The following USP9X variants were observed in gnomAD, a reference collection of about 807,000 sequenced individuals.
USP9X encodes ubiquitin carboxyl-terminal hydrolase 9X.
Under a neutral mutation model 190.3 loss-of-function variants are expected in USP9X, and 7 were observed. The observed-to-expected ratio is 0.04, with a 90% CI of 0.02 to 0.07. USP9X has a LOEUF of 0.07. USP9X is among the 10% of genes least tolerant of loss of function. USP9X has a pLI of 1.00. For missense variants in USP9X, 1,010 were observed against 1,916.9 expected (o/e 0.53, Z 8.83); for synonymous variants, 645 against 659.5 (o/e 0.98, Z 0.34).
chrX:41,197,138 T>G (rs1468619297), intron 28 of USP9X, among the ~76,000 whole-genome samples: 1 of 112,187 alleles, frequency 8.9e-6, no homozygotes, highest in African/African-American at 3.2e-5. Flanking sequence ...CTGAAGAGAT[T>G]TGTAGTTTTT....
intron 32 of USP9X, among the ~76,000 whole-genome samples, chrX:41,207,337 G>A (rs896425089): frequency 9.2e-6 from 1 of 108,376 alleles, no homozygotes; most frequent in Non-Finnish European, 1.9e-5. Flanking sequence ...CACCCGCCTC[G>A]GCCTCCCAAA....
At chrX:41,138,188 A>C (rs1314320172) in intron 6 of USP9X, among the ~76,000 whole-genome samples, 1 of 111,931 alleles carries the variant, frequency 8.9e-6, no homozygotes, top group Non-Finnish European at 1.9e-5. Context: ...GAGAAATTTT[A>C]TCATACAGCT....
chrX:41,204,368 CA>C (rs1430859820), intron 31 of USP9X, among the ~76,000 whole-genome samples: 2 of 109,979 alleles, frequency 1.8e-5, no homozygotes, highest in African/African-American at 3.3e-5. Flanking sequence ...ATGTCATATC[CA>C]AGAAATCACT....
chrX:41,118,859 A>G (rs1027484898), intron 1 of USP9X, among the ~76,000 whole-genome samples: 43 of 111,376 alleles, frequency 3.9e-4, no homozygotes, highest in African/African-American at 1.4e-3. Context: ...ACGAACTGCC[A>G]CTCTACCCCT....
At chrX:41,184,168 T>G (rs1238060687) in intron 22 of USP9X, 40 bp downstream of exon 22, 6 of 1,155,539 alleles carry the variant, frequency 5.2e-6, no homozygotes, top group African/African-American at 1.8e-5. Flanking sequence ...GTTTTCTTTG[T>G]TTTTCCTTTT....
rs764689144 is a variant in USP9X, at chrX:41,229,406, G to A, written c.7215G>A (p.Leu2405=). 32 of 1,165,018 alleles carry A rather than the reference G, an allele frequency of 2.7e-5. No individual in the cohort carries two copies. The East Asian group carries it at 9.6e-4, about 35-fold the overall frequency. The part of the protein sequence containing the change: ...FSNCPVAYQI[L]QGNGDLKRKW... Reference sequence around the variant, plus strand: ...ACTGTCCTGTTGCTTACCAAATCCTGCAGGTGAGGATTTTTTTCTTATAAT... The same window carrying A: ...ACTGTCCTGTTGCTTACCAAATCCTACAGGTGAGGATTTTTTTCTTATAAT... Residue 2405 remains leucine (L), a synonymous_variant, in exon 42 of 45, where the codon CTG becomes CTA. Transcript: ENST00000378308.
chrX:41,186,830 ATT>A, intron 24 of USP9X, among the ~76,000 whole-genome samples, 188 bp downstream of exon 24: 1 of 101,130 alleles, frequency 9.9e-6, no homozygotes, highest in Admixed American at 1.1e-4. Context: ...AGATGGGGTG[ATT>A]TTTTTTTTTT....
intron 4 of USP9X, among the ~76,000 whole-genome samples, chrX:41,133,177 C>G (rs1430649961): frequency 8.9e-6 from 1 of 111,820 alleles, no homozygotes; most frequent in Admixed American, 9.5e-5. Flanking sequence ...TAATTCCCCT[C>G]TTTTGTTTAA....
At chrX:41,131,719 A>G (rs1004287207) in intron 4 of USP9X, among the ~76,000 whole-genome samples, 183 bp downstream of exon 4, 3 of 112,056 alleles carry the variant, frequency 2.7e-5, no homozygotes, top group Non-Finnish European at 5.6e-5. Flanking sequence ...GAGGTCACAT[A>G]AAATTTATAT....
intron 4 of USP9X, among the ~76,000 whole-genome samples, chrX:41,132,501 A>G (rs112567962): frequency 0.19 from 21,128 of 109,301 alleles, 1,587 homozygotes; most frequent in Admixed American, 0.26. Flanking sequence ...ACGGGGTTTC[A>G]CCATGTTGGC....
rs185591933 is a variant in USP9X, at chrX:41,101,876, C to T, written c.-159+15767C>T. On this transcript the variant is annotated intron_variant, in intron 1 of 44. Transcript: ENST00000378308. ...AATGAAGTACTGATACATGCTACAA[C>T]TTGGATGAACTTTGAAAATGTTATG... Among the ~76,000 whole-genome samples, 100 of 111,675 alleles carry T rather than the reference C, an allele frequency of 9.0e-4. 1 individual carries two copies. In the Middle Eastern group the frequency reaches 0.028, roughly 31 times the overall value.
In USP9X at chrX:41,186,522, C is replaced by A. The variant is rs749821313; in HGVS notation, c.3564C>A (p.Asn1188Lys). 19 of 1,210,851 alleles carry A rather than the reference C, an allele frequency of 1.6e-5. No homozygotes were observed. The highest frequency in any genetic ancestry group is 2.0e-5 in the Non-Finnish European group (18 of 895,000). Residue 1188 changes from asparagine to lysine, a missense_variant, in exon 24 of 45, where the codon AAC (asparagine) becomes AAA (lysine). Coordinates refer to ENST00000378308, the MANE Select transcript of USP9X (RefSeq NM_001039591.3). ...AAATGGTTAACTTTTTTCAGATCAA[C>A]CAAGTTACCCATGATCAAGCAGTGG... is the stretch of plus-strand genomic sequence containing the variant. ...VEGVNPMTQI[N>K]QVTHDQAVVL...
chrX:41,136,639 AAC>A (rs1446393746), intron 5 of USP9X, among the ~76,000 whole-genome samples, 163 bp from the exon 6 acceptor site: 1 of 112,446 alleles, frequency 8.9e-6, no homozygotes, highest in East Asian at 2.7e-4. Flanking sequence ...TTATGAAGTA[AAC>A]AAATTCTAAT....
rs1429329551 is a variant in USP9X, at chrX:41,233,319, T to A, written c.*795T>A. On this transcript the variant is annotated 3_prime_UTR_variant, in exon 45 of 45. Coordinates refer to ENST00000378308, the MANE Select transcript of USP9X (RefSeq NM_001039591.3). ...TTAAAATATAAAACAAGGGGAGAAA[T>A]GTGACAGTCTATTTTCAGTTGCACA... 1.8e-5 allele frequency: 2 copies of A among 111,977 alleles called. No homozygotes were observed. The highest frequency in any genetic ancestry group is 3.8e-5 in the Non-Finnish European group (2 of 53,220). The allele number at this position is 111,977 out of a possible 1,213,427, so 9.2% of individuals were successfully genotyped here. A position where few individuals can be genotyped will look rare whatever the true frequency, so the allele number is the denominator to read the frequency against.
In USP9X at chrX:41,106,687, G is replaced by A. The variant is rs866680122; in HGVS notation, c.-158-16784G>A. 5.7e-5 allele frequency among the ~76,000 whole-genome samples: 6 copies of A among 106,185 alleles called. No individual in the cohort carries two copies. In the East Asian group the frequency reaches 1.8e-3, roughly 31 times the overall value. The allele number at this position is 106,185 out of a possible 115,157, so 92.2% of individuals were successfully genotyped here. A position where few individuals can be genotyped will look rare whatever the true frequency, so the allele number is the denominator to read the frequency against. On this transcript the variant is annotated intron_variant, in intron 1 of 44. Coordinates refer to ENST00000378308, the MANE Select transcript of USP9X (RefSeq NM_001039591.3). ...TGAGATTACAGGTGCCTGCCACCAC[G>A]CCCAGCTACTTTTTTGTATTTTTAG... is the stretch of plus-strand genomic sequence containing the variant.
chrX:41,138,640 A>C (rs986536452), intron 6 of USP9X, among the ~76,000 whole-genome samples: 1 of 112,280 alleles, frequency 8.9e-6, no homozygotes, highest in Admixed American at 9.4e-5. Context: ...CCCATGACAA[A>C]GCTAAAGCTG....
intron 26 of USP9X, among the ~76,000 whole-genome samples, chrX:41,190,978 A>G (rs2062930142): frequency 9.0e-6 from 1 of 111,622 alleles, no homozygotes; most frequent in South Asian, 3.7e-4. Context: ...CCCGTTAGTA[A>G]GAATTTGTCA....
chrX:41,167,800 A>G (rs1601993032), intron 17 of USP9X, among the ~76,000 whole-genome samples: 1 of 112,237 alleles, frequency 8.9e-6, no homozygotes, highest in East Asian at 2.8e-4. Context: ...TTCACTTTTG[A>G]CTAATTTATG....
chrX:41,186,199 A>G (rs764067194), intron 23 of USP9X, among the ~76,000 whole-genome samples: 2 of 111,359 alleles, frequency 1.8e-5, no homozygotes, highest in South Asian at 7.5e-4. Flanking sequence ...AAGATGTACA[A>G]TACTTTACTG....
Sources: allele counts gnomAD v4.1 joint callset (sites outside exome capture counted in the v4.1 genomes callset), GRCh38; gene constraint gnomAD v4.1.1; transcripts MANE v1.5; gene names NCBI Gene and HGNC (gene_info 2026-07-23, HGNC 2026-07-21).